Variants in MAGI3 observed in about 807,000 individuals in gnomAD.
MAGI3 encodes membrane associated guanylate kinase, WW and PDZ domain containing 3, also known as membrane-associated guanylate kinase, WW and PDZ domain-containing protein 3.
In MAGI3, 43 loss-of-function variants were observed where a neutral mutation model predicts 121.8. The observed-to-expected ratio is 0.35, with a 90% CI of 0.28 to 0.46. The LOEUF (loss-of-function observed/expected upper bound fraction) is 0.46, where lower values mean the gene tolerates loss of function less well. MAGI3 is among the 20% of genes least tolerant of loss of function. The pLI, the probability that MAGI3 is intolerant of heterozygous loss-of-function variation, is 1.00. For synonymous variants in MAGI3, 553 were observed against 639.3 expected (o/e 0.86, Z 2.04); for missense variants, 1,547 against 1,797.3 (o/e 0.86, Z 2.52).
intron 6 of MAGI3, among the ~76,000 whole-genome samples, chr1:113,612,947 A>C (rs1650247791): frequency 1.3e-5 from 2 of 152,158 alleles, no homozygotes; most frequent in Non-Finnish European, 2.9e-5. Flanking sequence ...CATAAATCTA[A>C]TTGTGGTACA....
At chr1:113,518,549 C>T (rs906843722) in intron 1 of MAGI3, among the ~76,000 whole-genome samples, 1 of 151,888 alleles carries the variant, frequency 6.6e-6, no homozygotes, top group Non-Finnish European at 1.5e-5. Context: ...ATATTGAAAC[C>T]TTTCAACTAT....
intron 1 of MAGI3, chr1:113,450,306 T>C (rs1654413207): frequency 5.2e-6 from 8 of 1,547,662 alleles, no homozygotes; most frequent in Non-Finnish European, 7.1e-6. Flanking sequence ...ATTTTATGGG[T>C]CGCGGAGGAA....
intron 16 of MAGI3, among the ~76,000 whole-genome samples, chr1:113,663,335 G>T (rs893773308): frequency 6.7e-6 from 1 of 150,318 alleles, no homozygotes; most frequent in African/African-American, 2.5e-5. Flanking sequence ...GCTCCAAAAA[G>T]AAACTTCATA....
At chr1:113,571,086 A>G (rs1027415371) in intron 2 of MAGI3, among the ~76,000 whole-genome samples, 6 of 152,056 alleles carry the variant, frequency 3.9e-5, no homozygotes, top group Non-Finnish European at 8.8e-5. Flanking sequence ...GTAAGGAAGG[A>G]GTCCAGTTTC....
intron 1 of MAGI3, among the ~76,000 whole-genome samples, chr1:113,488,012 A>C (rs929202429): frequency 7.2e-5 from 11 of 152,238 alleles, no homozygotes; most frequent in Non-Finnish European, 1.5e-4. Context: ...AACTTGTTCC[A>C]AGATCTCTTG....
chr1:113,602,705 G>T (rs1023396896), intron 6 of MAGI3, among the ~76,000 whole-genome samples: 1 of 152,290 alleles, frequency 6.6e-6, no homozygotes, highest in African/African-American at 2.4e-5. Context: ...GCCAAGGCAG[G>T]CAGATTGCTT....
At chr1:113,680,621 G>A (rs1043717495) in intron 19 of MAGI3, among the ~76,000 whole-genome samples, 13 of 152,092 alleles carry the variant, frequency 8.5e-5, no homozygotes, top group Admixed American at 8.5e-4. Context: ...GCCGGGCGTG[G>A]TGGCGGGCGC....
chr1:113,598,084 C>T (rs1226762720), intron 6 of MAGI3, among the ~76,000 whole-genome samples: 2 of 152,002 alleles, frequency 1.3e-5, no homozygotes, highest in Non-Finnish European at 2.9e-5. Flanking sequence ...TGGTGGTGGG[C>T]ACCTGTAATC....
intron 11 of MAGI3, among the ~76,000 whole-genome samples, chr1:113,644,863 T>C (rs1652744100): frequency 6.6e-6 from 1 of 152,210 alleles, no homozygotes; most frequent in South Asian, 2.1e-4. Flanking sequence ...TCTAGTTTGC[T>C]CCTTTGGAGT....
At chr1:113,416,240 T>TTGTG (rs1469129309) in intron 1 of MAGI3, among the ~76,000 whole-genome samples, 1 of 137,712 alleles carries the variant, frequency 7.3e-6, no homozygotes, top group Non-Finnish European at 1.6e-5. Context: ...CACATATTAA[T>TTGTG]TATGTAATTA....
At chr1:113,553,825 A>G (rs1445207885) in intron 2 of MAGI3, among the ~76,000 whole-genome samples, 1 of 152,178 alleles carries the variant, frequency 6.6e-6, no homozygotes, top group Non-Finnish European at 1.5e-5. Context: ...CCTGGCCTAC[A>G]TGGTGAAACC....
intron 4 of MAGI3, among the ~76,000 whole-genome samples, chr1:113,587,582 G>A (rs1648453265): frequency 6.6e-6 from 1 of 152,134 alleles, no homozygotes; most frequent in Admixed American, 6.5e-5. Flanking sequence ...AGGTTTATTT[G>A]TGCACACCAG....
chr1:113,598,995 T>G (rs1178907470), intron 6 of MAGI3, among the ~76,000 whole-genome samples: 1 of 152,200 alleles, frequency 6.6e-6, no homozygotes, highest in Non-Finnish European at 1.5e-5. Flanking sequence ...AATTTCCCTC[T>G]GCACACTGCT....
chr1:113,610,944 A>G (rs1349353673), intron 6 of MAGI3, among the ~76,000 whole-genome samples: 2 of 152,232 alleles, frequency 1.3e-5, no homozygotes, highest in East Asian at 1.9e-4. Context: ...AAAAAAAATA[A>G]AAAATAAAAA....
intron 15 of MAGI3, among the ~76,000 whole-genome samples, chr1:113,655,972 A>G (rs1235011034): frequency 6.6e-6 from 1 of 152,236 alleles, no homozygotes; most frequent in African/African-American, 2.4e-5. Flanking sequence ...AACTTTTAAA[A>G]GTTCATCAAT....
chr1:113,630,053 G>T (rs941964739), intron 9 of MAGI3, among the ~76,000 whole-genome samples: 1 of 152,074 alleles, frequency 6.6e-6, no homozygotes, highest in Non-Finnish European at 1.5e-5. Flanking sequence ...GTTTCCCCAA[G>T]CCGCGAGTGG....
chr1:113,555,365 C>T (rs376648197), intron 2 of MAGI3, among the ~76,000 whole-genome samples: 23 of 152,272 alleles, frequency 1.5e-4, no homozygotes, highest in African/African-American at 5.5e-4. Context: ...TTTATAATTA[C>T]AGTTCAAGAT....
chr1:113,451,686 C>T (rs1654492792), intron 1 of MAGI3, among the ~76,000 whole-genome samples: 1 of 151,928 alleles, frequency 6.6e-6, no homozygotes, highest in African/African-American at 2.4e-5. Context: ...TGTATATTTC[C>T]CTGGGGAACA....
intron 1 of MAGI3, among the ~76,000 whole-genome samples, chr1:113,519,144 G>T (rs764289275): frequency 3.3e-5 from 5 of 151,986 alleles, no homozygotes; most frequent in Non-Finnish European, 5.9e-5. Flanking sequence ...CCAGAAACCT[G>T]TTCTTAGAAG....
Sources: gnomAD v4.1 joint callset for allele counts (sites outside exome capture counted in the v4.1 genomes callset) on GRCh38, gnomAD v4.1.1 for gene constraint, MANE v1.5 for transcripts, NCBI Gene and HGNC (gene_info 2026-07-23, HGNC 2026-07-21) for gene names.